The following ADTRP variants were observed in gnomAD, a reference collection of about 807,000 sequenced individuals.
ADTRP encodes the protein androgen-dependent TFPI-regulating protein.
Under a neutral mutation model 27.0 loss-of-function variants are expected in ADTRP, and 20 were observed. That is an observed-to-expected ratio of 0.74 (90% CI 0.52 to 1.08). The LOEUF (loss-of-function observed/expected upper bound fraction) is 1.08. ADTRP is among the 50% of genes least tolerant of loss of function. The pLI, the probability that ADTRP is intolerant of heterozygous loss-of-function variation, is 0.00. For synonymous variants in ADTRP, 101 were observed against 105.2 expected, an observed-to-expected ratio of 0.96 and a Z score of 0.25; for missense variants, 251 against 275.0, an observed-to-expected ratio of 0.91 and a Z score of 0.62.
rs529540385 is a variant in ADTRP, at chr6:11,733,683, T to C, written c.506+1885A>G. ...AGGTTTCCTGAACTTCACTGTATCC[T>C]CCATATTTTAGCACAGTGCCTGGCG... is the stretch of plus-strand genomic sequence containing the variant. On this transcript the variant is annotated intron_variant, in intron 4 of 5. Coordinates refer to ENST00000414691, the MANE Select transcript of ADTRP (RefSeq NM_032744.4). Among the ~76,000 whole-genome samples the C allele has an allele frequency of 3.3e-5, 5 of 152,328 alleles. No individual in the cohort carries two copies. In the South Asian group the frequency reaches 1.0e-3, roughly 32 times the overall value.
chr6:11,736,932 C>A (rs1344857231), intron 3 of ADTRP, among the ~76,000 whole-genome samples: 2 of 152,006 alleles, frequency 1.3e-5, no homozygotes, highest in East Asian at 3.9e-4. Context: ...ATGTCCTCCC[C>A]CTCCTTCCCT....
At chr6:11,734,023 T>A (rs1413192955) in intron 4 of ADTRP, among the ~76,000 whole-genome samples, 2 of 152,148 alleles carry the variant, frequency 1.3e-5, no homozygotes, top group African/African-American at 4.8e-5. Flanking sequence ...AACATATATA[T>A]GAACTACCAG....
chr6:11,749,605 GAGA>G (rs578073751), intron 3 of ADTRP, among the ~76,000 whole-genome samples: 2 of 152,124 alleles, frequency 1.3e-5, no homozygotes, highest in Non-Finnish European at 2.9e-5. Context: ...ACCGAGGTAG[GAGA>G]AGAACAAGGG....
At chr6:11,739,839 T>C (rs1348995514) in intron 3 of ADTRP, among the ~76,000 whole-genome samples, 1 of 152,212 alleles carries the variant, frequency 6.6e-6, no homozygotes, top group Non-Finnish European at 1.5e-5. Flanking sequence ...ATCACTGTCA[T>C]GGAAGCTCCA....
At chr6:11,769,342 G>C (rs779874425) in intron 1 of ADTRP, among the ~76,000 whole-genome samples, 4 of 152,134 alleles carry the variant, frequency 2.6e-5, no homozygotes, top group African/African-American at 7.2e-5. Flanking sequence ...ATTGATCAAG[G>C]TGGCTGTTGG....
At chr6:11,743,179 C>T (rs1762769926) in intron 3 of ADTRP, among the ~76,000 whole-genome samples, 1 of 152,224 alleles carries the variant, frequency 6.6e-6, no homozygotes. Context: ...TGGTTTTTCA[C>T]ACTGTCAATT....
At chr6:11,727,984 AGGGAG>A (rs1762270063) in intron 4 of ADTRP, among the ~76,000 whole-genome samples, 1 of 12,772 alleles carries the variant, frequency 7.8e-5, no homozygotes. Context: ...GTAGGTAGGG[AGGGAG>A]GGAGGGAGGG....
chr6:11,749,810 G>A (rs745368417), intron 3 of ADTRP, among the ~76,000 whole-genome samples: 2 of 152,230 alleles, frequency 1.3e-5, no homozygotes, highest in South Asian at 2.1e-4. Flanking sequence ...GGCAACACTC[G>A]GGTTATGTTC....
chr6:11,774,261 A>G (rs1763876287), intron 1 of ADTRP, among the ~76,000 whole-genome samples: 2 of 152,054 alleles, frequency 1.3e-5, no homozygotes, highest in Admixed American at 1.3e-4. Flanking sequence ...GTGAGCCAAG[A>G]TTGTGCCACT....
At chr6:11,748,498 A>C (rs910344522) in intron 3 of ADTRP, among the ~76,000 whole-genome samples, 1 of 152,254 alleles carries the variant, frequency 6.6e-6, no homozygotes, top group African/African-American at 2.4e-5. Context: ...GCTAAGGATC[A>C]GAAGGTGGAC....
intron 3 of ADTRP, among the ~76,000 whole-genome samples, chr6:11,751,614 G>T (rs921117466): frequency 6.6e-6 from 1 of 152,000 alleles, no homozygotes; most frequent in Non-Finnish European, 1.5e-5. Context: ...CATTTTGGGG[G>T]ATTTTTTGTA....
At chr6:11,773,410 G>A (rs1561777811) in intron 1 of ADTRP, among the ~76,000 whole-genome samples, 1 of 152,248 alleles carries the variant, frequency 6.6e-6, no homozygotes, top group Non-Finnish European at 1.5e-5. Context: ...TGAAGTGGGG[G>A]AGGCTAAGTG....
At chr6:11,728,824 C>T (rs578162187) in intron 4 of ADTRP, among the ~76,000 whole-genome samples, 1 of 152,184 alleles carries the variant, frequency 6.6e-6, no homozygotes, top group African/African-American at 2.4e-5. Flanking sequence ...AGTCGCCTGA[C>T]TCACCAAGAC....
At chr6:11,719,983 T>C (rs1761964477) in intron 5 of ADTRP, among the ~76,000 whole-genome samples, 1 of 152,160 alleles carries the variant, frequency 6.6e-6, no homozygotes, top group Non-Finnish European at 1.5e-5. Flanking sequence ...ACTAGCATTA[T>C]CTCCACTAGG....
In ADTRP at chr6:11,723,337, A is replaced by G. The variant is rs1327985068; in HGVS notation, c.658+12T>C. The stretch of plus-strand genomic sequence containing the variant: ...AGAAGCGCATCTGTAGCTAAGAAAG[A>G]AATACACTGACCCCATTTCCAGTGG... On this transcript the variant is annotated intron_variant, in intron 5 of 5. Coordinates refer to ENST00000414691, the MANE Select transcript of ADTRP (RefSeq NM_032744.4). The G allele has an allele frequency of 6.2e-7, 1 of 1,613,748 alleles. No individual in the cohort carries two copies.
At chr6:11,773,911 G>A (rs865913579) in intron 1 of ADTRP, among the ~76,000 whole-genome samples, 17 of 152,188 alleles carry the variant, frequency 1.1e-4, no homozygotes, top group African/African-American at 4.1e-4. Flanking sequence ...GGGTGCTGGT[G>A]GTGACTATCA....
At chr6:11,719,621 C>T (rs1047190024) in intron 5 of ADTRP, among the ~76,000 whole-genome samples, 4 of 152,094 alleles carry the variant, frequency 2.6e-5, no homozygotes, top group African/African-American at 9.7e-5. Context: ...TGTTCTTGAC[C>T]GCTTGGTGCT....
chr6:11,739,961 C>CA (rs1387166741), intron 3 of ADTRP, among the ~76,000 whole-genome samples: 7 of 152,182 alleles, frequency 4.6e-5, no homozygotes, highest in Admixed American at 4.6e-4. Flanking sequence ...CTACATATTG[C>CA]AAAATCAGAT....
chr6:11,717,688 C>A (rs1170914488), intron 5 of ADTRP, among the ~76,000 whole-genome samples: 4 of 152,288 alleles, frequency 2.6e-5, no homozygotes, highest in South Asian at 2.1e-4. Context: ...GAGATCTGAG[C>A]ACTGATAGTC....
Sources: allele counts gnomAD v4.1 joint callset (sites outside exome capture counted in the v4.1 genomes callset), GRCh38; gene constraint gnomAD v4.1.1; transcripts MANE v1.5; gene names NCBI Gene and HGNC (gene_info 2026-07-23, HGNC 2026-07-21).